NRG3: variants seen among roughly 807,000 people sequenced by gnomAD.
The protein encoded by NRG3 is neuregulin 3.
NRG3 carries 31 observed loss-of-function variants against 66.9 expected under a neutral mutation model. That is an observed-to-expected ratio of 0.46 (90% CI 0.35 to 0.63). The LOEUF (loss-of-function observed/expected upper bound fraction) is 0.63, where lower values mean the gene tolerates loss of function less well. Among genes scored for constraint, NRG3 ranks in the 20% least tolerant of loss-of-function variants. The pLI is 0.00. For synonymous variants in NRG3, 393 were observed against 359.4 expected, an observed-to-expected ratio of 1.09 and a Z score of -1.06; for missense variants, 910 against 878.9, an observed-to-expected ratio of 1.04 and a Z score of -0.45.
At chr10:82,812,952 A>G (rs753857647) in intron 3 of NRG3, among the ~76,000 whole-genome samples, 1 of 152,210 alleles carries the variant, frequency 6.6e-6, no homozygotes, top group Non-Finnish European at 1.5e-5. Context: ...AGTGTTAGAA[A>G]AATCAAATGT....
chr10:82,957,854 C>A lies in NRG3; in HGVS notation c.1158-1095C>A, dbSNP rs955801556. Among the ~76,000 whole-genome samples, 3 of 151,720 alleles carry A rather than the reference C, an allele frequency of 2.0e-5. No homozygotes were observed. The South Asian group carries it at 6.2e-4, about 32-fold the overall frequency. ...AAATAAATATTTTCTTTTAGAGTCT[C>A]CATGTTTGTTATTTAGGTCAACACT... On this transcript the variant is annotated intron_variant, in intron 5 of 8. Coordinates refer to ENST00000372141, the MANE Select transcript of NRG3 (RefSeq NM_001010848.4).
At chr10:82,333,080 T>G (rs1012957863) in intron 1 of NRG3, among the ~76,000 whole-genome samples, 2 of 152,214 alleles carry the variant, frequency 1.3e-5, no homozygotes, top group Non-Finnish European at 2.9e-5. Flanking sequence ...AGGGTTTCAG[T>G]TTTGCAGTGA....
At chr10:82,411,361 C>G (rs1176043345) in intron 2 of NRG3, among the ~76,000 whole-genome samples, 2 of 152,124 alleles carry the variant, frequency 1.3e-5, no homozygotes, top group African/African-American at 2.4e-5. Flanking sequence ...TTGTTTTTGT[C>G]TACCTTAATT....
rs1844230324 is a variant in NRG3 at position 82,901,623 on chromosome 10, A to G, written c.1054+36186A>G. ...GACTTTTAGTGATTCCCTGTAGCCA[A>G]TAGCCAAGCGGCAGCAGAATGGTAC... On this transcript the variant is annotated intron_variant, in intron 4 of 8. Coordinates refer to ENST00000372141, the MANE Select transcript of NRG3 (RefSeq NM_001010848.4). 2.0e-5 allele frequency among the ~76,000 whole-genome samples: 3 copies of G among 152,326 alleles called. 1 individual carries two copies. In the South Asian group the frequency reaches 6.2e-4, roughly 32 times the overall value.
chr10:82,102,133 C>CATATATATATATATAT lies in NRG3; in HGVS notation c.823+225989_823+226004dup, dbSNP rs369498870. Among the ~76,000 whole-genome samples the CATATATATATATATAT allele has an allele frequency of 3.0e-4, 8 of 26,294 alleles. 1 individual carries two copies. The highest frequency in any genetic ancestry group is 1.0e-3 in the East Asian group (1 of 976). 17.2% of individuals were successfully genotyped at this position (26,294 alleles called of 152,430 possible). On this transcript the variant is annotated intron_variant, in intron 1 of 8. Coordinates refer to ENST00000372141, the MANE Select transcript of NRG3 (RefSeq NM_001010848.4). ...GTATTCATATATATATATGTGTATT[C>CATATATATATATATAT]ATATATATATATATATATATATATA...
intron 3 of NRG3, among the ~76,000 whole-genome samples, chr10:82,742,721 C>A (rs1308450377): frequency 2.6e-5 from 4 of 152,090 alleles, no homozygotes; most frequent in Non-Finnish European, 5.9e-5. Context: ...TCCTATGCTG[C>A]CAGCGCACTG....
chr10:81,996,066 T>A (rs1221803576), intron 1 of NRG3, among the ~76,000 whole-genome samples: 1 of 152,180 alleles, frequency 6.6e-6, no homozygotes, highest in Admixed American at 6.5e-5. Flanking sequence ...GCTTTCAAAT[T>A]TCAAGAATAA....
intron 3 of NRG3, among the ~76,000 whole-genome samples, chr10:82,748,867 C>T (rs1011751778): frequency 6.6e-6 from 1 of 151,852 alleles, no homozygotes; most frequent in Non-Finnish European, 1.5e-5. Flanking sequence ...AATGGAAGCA[C>T]TGAAATTTTA....
intron 1 of NRG3, among the ~76,000 whole-genome samples, chr10:81,912,702 A>G (rs988157857): frequency 6.6e-6 from 1 of 152,148 alleles, no homozygotes; most frequent in African/African-American, 2.4e-5. Flanking sequence ...TTGTCATGCT[A>G]AGAATGGGGA....
chr10:82,242,678 C>A (rs542898426), intron 1 of NRG3, among the ~76,000 whole-genome samples: 1 of 151,982 alleles, frequency 6.6e-6, no homozygotes, highest in Non-Finnish European at 1.5e-5. Context: ...CTTTGGAATT[C>A]TTGTGGAGGA....
At chr10:82,207,346 A>T (rs2075169345) in intron 1 of NRG3, among the ~76,000 whole-genome samples, 2 of 152,002 alleles carry the variant, frequency 1.3e-5, no homozygotes, top group South Asian at 4.1e-4. Flanking sequence ...TCAGTAGTGA[A>T]GTGCACGGGT....
intron 3 of NRG3, among the ~76,000 whole-genome samples, chr10:82,746,475 T>C (rs752397531): frequency 4.6e-5 from 7 of 152,164 alleles, no homozygotes; most frequent in Non-Finnish European, 7.3e-5. Context: ...CAGGACATGC[T>C]CACTATATTG....
chr10:82,605,686 T>G (rs1244648473), intron 2 of NRG3, among the ~76,000 whole-genome samples: 1 of 152,058 alleles, frequency 6.6e-6, no homozygotes, highest in Non-Finnish European at 1.5e-5. Context: ...TTTCTTTAAT[T>G]GGTATTGCTT....
At chr10:82,362,548 G>GTTT (rs10694679) in intron 2 of NRG3, among the ~76,000 whole-genome samples, 845 of 83,046 alleles carry the variant, frequency 0.01, 84 homozygotes, top group African/African-American at 0.028. Flanking sequence ...TAATTTCTGG[G>GTTT]TTTTTTTTTT....
intron 1 of NRG3, among the ~76,000 whole-genome samples, chr10:82,189,559 A>T (rs375892228): frequency 1.3e-5 from 2 of 152,226 alleles, no homozygotes; most frequent in African/African-American, 4.8e-5. Flanking sequence ...TGGGAGGCCA[A>T]TGCGGGCAGA....
At chr10:82,565,310 T>C (rs1032631758) in intron 2 of NRG3, among the ~76,000 whole-genome samples, 1 of 152,092 alleles carries the variant, frequency 6.6e-6, no homozygotes, top group African/African-American at 2.4e-5. Flanking sequence ...TGAATATGGG[T>C]TCTGACTTGG....
At position 82,663,782 on chromosome 10, in the gene NRG3, C is replaced by A. The variant is rs549750036; in HGVS notation, c.954-74795C>A. 3.9e-5 allele frequency among the ~76,000 whole-genome samples: 6 copies of A among 152,330 alleles called. No individual in the cohort carries two copies. In the South Asian group the frequency reaches 1.2e-3, roughly 32 times the overall value. ...AGAAGATACTTGAGGTTACAGCCAA[C>A]CTTCCACTTGCTTCAGGTTGGCCAT... On this transcript the variant is annotated intron_variant, in intron 2 of 8. Transcript: ENST00000372141.
chr10:81,987,084 T>A (rs1304367630), intron 1 of NRG3, among the ~76,000 whole-genome samples: 1 of 64,556 alleles, frequency 1.5e-5, no homozygotes, highest in African/African-American at 1.6e-4. Context: ...GTGTGTGCAT[T>A]TTTTTTTTTC....
At chr10:82,786,485 C>G (rs934129127) in intron 3 of NRG3, among the ~76,000 whole-genome samples, 2 of 152,084 alleles carry the variant, frequency 1.3e-5, no homozygotes, top group African/African-American at 2.4e-5. Context: ...TATGCCTGCC[C>G]CCCCATTGTG....
Sources: allele counts gnomAD v4.1 joint callset (sites outside exome capture counted in the v4.1 genomes callset), GRCh38; gene constraint gnomAD v4.1.1; transcripts MANE v1.5; gene names NCBI Gene and HGNC (gene_info 2026-07-23, HGNC 2026-07-21).